The following RAPH1 variants were observed in gnomAD, a reference collection of about 807,000 sequenced individuals.
The protein encoded by RAPH1 is ras-associated and pleckstrin homology domains-containing protein 1.
In RAPH1, 18 loss-of-function variants were observed where a neutral mutation model predicts 88.1. The ratio of observed to expected loss-of-function variants is 0.20; its 90% CI spans 0.14 to 0.30. RAPH1 has a LOEUF of 0.30. RAPH1 is among the 10% of genes least tolerant of loss of function. The probability of loss-of-function intolerance (pLI) is 1.00; values close to 1 mark genes in which losing one functional copy is unlikely to be tolerated. For missense variants in RAPH1, 1,448 were observed against 1,543.2 expected (o/e 0.94, Z 1.03); for synonymous variants, 587 against 559.0 (o/e 1.05, Z -0.71).
intron 10 of RAPH1, among the ~76,000 whole-genome samples, chr2:203,450,934 A>C (rs923109916): frequency 1.3e-5 from 2 of 152,066 alleles, no homozygotes; most frequent in Admixed American, 6.5e-5. Flanking sequence ...CATCTGGGAA[A>C]ATCAAAGAGA....
rs1337580144 is a variant in RAPH1 at position 203,436,700 on chromosome 2, G to C, written c.*2737C>G. The stretch of plus-strand genomic sequence containing the variant: ...GCCAAGTCAACTGCACAGACTTGAA[G>C]CAGCCAAGCTGGGTGAGAGCTGCAG... On this transcript the variant is annotated 3_prime_UTR_variant, in exon 14 of 14. Coordinates refer to ENST00000319170, the MANE Select transcript of RAPH1 (RefSeq NM_213589.3). 6.6e-6 allele frequency: 1 copy of C among 152,264 alleles called. No homozygotes were observed. The highest frequency in any genetic ancestry group is 6.5e-5 in the Admixed American group (1 of 15,288). The allele number at this position is 152,264 out of a possible 1,614,324, so 9.4% of individuals were successfully genotyped here. A position where few individuals can be genotyped will look rare whatever the true frequency, so the allele number is the denominator to read the frequency against.
chr2:203,517,035 C>CA (rs1231482927), intron 1 of RAPH1, among the ~76,000 whole-genome samples: 118 of 130,150 alleles, frequency 9.1e-4, no homozygotes, highest in African/African-American at 1.9e-3. Flanking sequence ...GACTCCGTCT[C>CA]AAAAAAAAAA....
rs750165034 is a variant in RAPH1 at position 203,440,442 on chromosome 2, G to A, written c.2748C>T (p.Phe916=). The A allele has an allele frequency of 1.9e-6, 3 of 1,544,006 alleles. No homozygotes were observed. Among genetic ancestry groups the A allele is most frequent in the African/African-American group, 2.8e-5 (2 of 72,436 alleles). The part of the protein sequence containing the change: ...PSSIPVPSPD[F]PPPPPESSLV... ...GGCTGCTTTCAGGAGGGGGAGGAGG[G>A]AAGTCCGGAGAAGGGACTGGGATGG... The change falls in exon 14 of 14, where the codon TTC becomes TTT. Residue 916 remains phenylalanine, a synonymous_variant. Transcript: ENST00000319170.
At chr2:203,490,581 A>C (rs1050421319) in intron 3 of RAPH1, among the ~76,000 whole-genome samples, 4 of 152,252 alleles carry the variant, frequency 2.6e-5, no homozygotes, top group Admixed American at 2.0e-4. Flanking sequence ...AAGTAACTTC[A>C]CTGGACTTTA....
chr2:203,513,506 A>G (rs1689454921), intron 1 of RAPH1, among the ~76,000 whole-genome samples: 1 of 115,600 alleles, frequency 8.7e-6, no homozygotes, highest in Non-Finnish European at 1.7e-5. Context: ...AATCCACCAC[A>G]TTATGCCCCG....
chr2:203,522,522 T>A (rs1219888645), intron 1 of RAPH1, among the ~76,000 whole-genome samples: 1 of 152,194 alleles, frequency 6.6e-6, no homozygotes, highest in Admixed American at 6.5e-5. Context: ...TTACAACCAA[T>A]GTCCCAGTGG....
At chr2:203,516,731 C>T (rs1187372120) in intron 1 of RAPH1, among the ~76,000 whole-genome samples, 1 of 150,834 alleles carries the variant, frequency 6.6e-6, no homozygotes, top group African/African-American at 2.4e-5. Context: ...GACTATGTCT[C>T]AAAAAAAGAA....
chr2:203,527,674 C>T (rs1031113269), intron 1 of RAPH1, among the ~76,000 whole-genome samples: 2 of 151,888 alleles, frequency 1.3e-5, no homozygotes, highest in Non-Finnish European at 2.9e-5. Flanking sequence ...TTGGCGCATG[C>T]CTGTATTCCC....
intron 2 of RAPH1, 68 bp from the exon 3 acceptor site, chr2:203,491,387 T>G: frequency 9.1e-7 from 1 of 1,102,588 alleles, no homozygotes; most frequent in Non-Finnish European, 1.3e-6. Flanking sequence ...AAGATGAAGT[T>G]TGTTTTATGA....
intron 1 of RAPH1, 71 bp downstream of exon 1, chr2:203,535,040 G>A (rs1436559833): frequency 5.9e-5 from 9 of 152,260 alleles, no homozygotes; most frequent in East Asian, 1.9e-4. Context: ...GGGAGCGGCA[G>A]GAGCGCCTCA....
chr2:203,434,052 C>CTATATA lies in RAPH1; in HGVS notation c.*5384_*5385insTATATA, dbSNP rs1297421750. ...ATATCTCTCTCATATATCTATCTAT[C>CTATATA]TATCTATATATATATATATATATAT... On this transcript the variant is annotated 3_prime_UTR_variant, in exon 14 of 14. Coordinates refer to ENST00000319170, the MANE Select transcript of RAPH1 (RefSeq NM_213589.3). 16 of 127,484 alleles carry CTATATA rather than the reference C, an allele frequency of 1.3e-4. No homozygotes were observed. Among genetic ancestry groups the CTATATA allele is most frequent in the South Asian group, 2.5e-4 (1 of 3,958 alleles). 7.9% of individuals were successfully genotyped at this position (127,484 alleles called of 1,614,324 possible).
rs557284747 is a variant in RAPH1, at chr2:203,491,775, T to C, written c.121-456A>G. 3.3e-5 allele frequency among the ~76,000 whole-genome samples: 5 copies of C among 152,348 alleles called. No individual in the cohort carries two copies. In the South Asian group the frequency reaches 1.0e-3, roughly 32 times the overall value. ...TGCCCACCTCCATCTCCCTAAGTGT[T>C]GAGATTACAGGCGTGAGCCACCATA... On this transcript the variant is annotated intron_variant, in intron 2 of 13. Coordinates refer to ENST00000319170, the MANE Select transcript of RAPH1 (RefSeq NM_213589.3).
chr2:203,494,614 C>G (rs2105849602), intron 2 of RAPH1, among the ~76,000 whole-genome samples: 1 of 152,104 alleles, frequency 6.6e-6, no homozygotes, highest in South Asian at 2.1e-4. Flanking sequence ...CGAGACCATC[C>G]TGGCTAACAC....
Position 203,448,624 on chromosome 2 carries a change from T to G in RAPH1, c.1512+114A>C. Reference sequence around the variant, plus strand: ...ACTTGAAACTTAGGCCTGAAAAACGTAGGCACTGGCAAATCCATGAACATG... The same window carrying G: ...ACTTGAAACTTAGGCCTGAAAAACGGAGGCACTGGCAAATCCATGAACATG... On this transcript the variant is annotated intron_variant, in intron 11 of 13. Coordinates refer to ENST00000319170, the MANE Select transcript of RAPH1 (RefSeq NM_213589.3). This position sits in a 1 kb window ranked among gnomAD's most constrained non-coding sequence, Gnocchi z 4.1. 1.7e-6 allele frequency: 1 copy of G among 596,000 alleles called. No individual in the cohort carries two copies. The highest frequency in any genetic ancestry group is 3.1e-5 in the East Asian group (1 of 32,522). 36.9% of individuals were successfully genotyped at this position (596,000 alleles called of 1,614,324 possible).
intron 9 of RAPH1, among the ~76,000 whole-genome samples, chr2:203,454,786 T>C (rs1029200513): frequency 5.3e-5 from 8 of 152,122 alleles, no homozygotes; most frequent in African/African-American, 1.7e-4. Flanking sequence ...TGTTAAGGAG[T>C]GTTGGCATTT....
At chr2:203,477,810 G>C (rs1687534340) in intron 4 of RAPH1, among the ~76,000 whole-genome samples, 1 of 152,048 alleles carries the variant, frequency 6.6e-6, no homozygotes. Context: ...AGTACATTGG[G>C]GGTGAGGAGA....
intron 4 of RAPH1, among the ~76,000 whole-genome samples, chr2:203,485,429 AAG>A (rs1365863553): frequency 6.7e-6 from 1 of 149,896 alleles, no homozygotes; most frequent in South Asian, 2.1e-4. Flanking sequence ...AAAAAAAAAA[AAG>A]AGTTACACTG....
At chr2:203,469,964 T>C (rs2098531638) in intron 4 of RAPH1, among the ~76,000 whole-genome samples, 1 of 152,212 alleles carries the variant, frequency 6.6e-6, no homozygotes, top group Admixed American at 6.5e-5. Context: ...AATGCAACAG[T>C]GTTAAACTAG....
In RAPH1 at chr2:203,440,669, G is replaced by A. The variant is rs760522390; in HGVS notation, c.2521C>T (p.Pro841Ser). Residue 841 changes from proline (P) to serine (S), a missense_variant, in exon 14 of 14, where the codon CCC becomes TCC. Coordinates refer to ENST00000319170, the MANE Select transcript of RAPH1 (RefSeq NM_213589.3). ...TTTGCACAGAAGCTCTGTTGCTTGG[G>A]TAATGTTGGCGGGGGTACTGGAACA... ...PPVPVPPPTL[P>S]KQQSFCAKPP... The A allele has an allele frequency of 5.1e-6, 8 of 1,560,180 alleles. No homozygotes were observed. The highest frequency in any genetic ancestry group is 3.5e-6 in the Non-Finnish European group (4 of 1,147,776).
Sources: allele counts gnomAD v4.1 joint callset (sites outside exome capture counted in the v4.1 genomes callset), GRCh38; gene constraint gnomAD v4.1.1; non-coding constraint Gnocchi (gnomAD v3.1); transcripts MANE v1.5; gene names NCBI Gene and HGNC (gene_info 2026-07-23, HGNC 2026-07-21).